The following PDGFD variants were observed in gnomAD, a reference collection of about 807,000 sequenced individuals.
PDGFD encodes platelet derived growth factor D, also known as platelet-derived growth factor D.
A neutral mutation model predicts 44.7 loss-of-function variants in PDGFD; 30 were observed. That is an observed-to-expected ratio of 0.67 (90% CI 0.50 to 0.91). The LOEUF is 0.91. PDGFD is among the 40% of genes least tolerant of loss of function. PDGFD has a pLI of 0.00. For synonymous variants in PDGFD, 173 were observed against 168.4 expected (o/e 1.03, Z -0.21); for missense variants, 445 against 457.8 (o/e 0.97, Z 0.25).
At chr11:103,929,294 A>C (rs1386597531) in intron 5 of PDGFD, among the ~76,000 whole-genome samples, 2 of 152,138 alleles carry the variant, frequency 1.3e-5, no homozygotes, top group South Asian at 4.1e-4. Context: ...CCATTAGTTG[A>C]AGGAAGAAGA....
chr11:104,000,168 T>C lies in PDGFD; in HGVS notation c.212A>G (p.Asn71Ser). 6.2e-7 allele frequency: 1 copy of C among 1,614,078 alleles called. No homozygotes were observed. The highest frequency in any genetic ancestry group is 8.5e-7 in the Non-Finnish European group (1 of 1,179,976). Reference sequence around the variant, plus strand: ...CAGGAGCAGGTTCCTGGGGTAGCTGTTCGGGAATCTAGGACTCTGCACGTA... The same window carrying C: ...CAGGAGCAGGTTCCTGGGGTAGCTGCTCGGGAATCTAGGACTCTGCACGTA... ...NGYVQSPRFP[N>S]SYPRNLLLTW... The change falls in exon 2 of 7, where the codon AAC becomes AGC. Residue 71 changes from asparagine to serine, a missense_variant. Coordinates refer to ENST00000393158, the MANE Select transcript of PDGFD (RefSeq NM_025208.5).
chr11:104,144,758 T>C (rs932253886), intron 1 of PDGFD, among the ~76,000 whole-genome samples: 1 of 152,192 alleles, frequency 6.6e-6, no homozygotes, highest in Non-Finnish European at 1.5e-5. Context: ...ATTTAAATCC[T>C]GACCCTGCCA....
intron 1 of PDGFD, among the ~76,000 whole-genome samples, chr11:104,072,484 CTG>C (rs1230939327): frequency 6.6e-6 from 1 of 151,648 alleles, no homozygotes; most frequent in African/African-American, 2.4e-5. Flanking sequence ...ATCATTGCTT[CTG>C]TAAGGTTTTT....
At chr11:104,161,951 G>GAGAC (rs57922713) in intron 1 of PDGFD, among the ~76,000 whole-genome samples, 2 of 54,166 alleles carry the variant, frequency 3.7e-5, no homozygotes, top group African/African-American at 1.5e-4. Context: ...ATCAAAGAGA[G>GAGAC]TGTGTGTGTG....
chr11:104,009,831 GC>G (rs1160350018), intron 1 of PDGFD, among the ~76,000 whole-genome samples: 2 of 152,232 alleles, frequency 1.3e-5, no homozygotes, highest in Admixed American at 1.3e-4. Context: ...CAGCACGGAA[GC>G]TTTTTCAGCT....
At chr11:104,108,504 C>T (rs930395504) in intron 1 of PDGFD, among the ~76,000 whole-genome samples, 2 of 152,100 alleles carry the variant, frequency 1.3e-5, no homozygotes, top group Non-Finnish European at 1.5e-5. Context: ...CAATGAGATA[C>T]CATCTCACGC....
chr11:104,110,387 T>C (rs907019022), intron 1 of PDGFD, among the ~76,000 whole-genome samples: 1 of 134,290 alleles, frequency 7.4e-6, no homozygotes, highest in Non-Finnish European at 1.6e-5. Flanking sequence ...TTCGAAAGAC[T>C]GTGAGTAGTA....
intron 1 of PDGFD, among the ~76,000 whole-genome samples, chr11:104,072,126 G>A (rs1410274148): frequency 1.3e-5 from 2 of 151,716 alleles, no homozygotes; most frequent in Admixed American, 1.3e-4. Flanking sequence ...CATTAACTAT[G>A]TTTAGTATTA....
At chr11:104,062,339 C>T (rs1229603651) in intron 1 of PDGFD, among the ~76,000 whole-genome samples, 1 of 152,216 alleles carries the variant, frequency 6.6e-6, no homozygotes, top group Non-Finnish European at 1.5e-5. Context: ...GCAAATTCCT[C>T]CATCTGTTCT....
chr11:103,968,099 T>C (rs1859048449), intron 3 of PDGFD, among the ~76,000 whole-genome samples: 1 of 152,162 alleles, frequency 6.6e-6, no homozygotes, highest in Non-Finnish European at 1.5e-5. Context: ...GATGACTCCC[T>C]CCTTAATGCC....
chr11:103,940,902 C>T (rs1351394427), intron 5 of PDGFD, among the ~76,000 whole-genome samples: 2 of 152,128 alleles, frequency 1.3e-5, no homozygotes, highest in Non-Finnish European at 2.9e-5. Flanking sequence ...AATGCTCTTG[C>T]AAGGTTATTT....
intron 1 of PDGFD, among the ~76,000 whole-genome samples, chr11:104,103,221 T>C (rs57949538): frequency 0.011 from 1,745 of 152,180 alleles, 29 homozygotes; most frequent in African/African-American, 0.04. Context: ...AATGAATTAA[T>C]ACGTGAAGTA....
Position 104,033,985 on chromosome 11 carries a change from T to C in PDGFD, c.125-33730A>G, listed in dbSNP as rs1860173167. Among the ~76,000 whole-genome samples, 4 of 152,216 alleles carry C rather than the reference T, an allele frequency of 2.6e-5. No homozygotes were observed. In the South Asian group the frequency reaches 8.3e-4, roughly 31 times the overall value. On this transcript the variant is annotated intron_variant, in intron 1 of 6. Coordinates refer to ENST00000393158, the MANE Select transcript of PDGFD (RefSeq NM_025208.5). ...TCTTAAAATTAAAAAATAATCCTTA[T>C]ATGATGAAACACTGTCTTTCCAGTT...
chr11:104,006,249 G>C lies in PDGFD; in HGVS notation c.125-5994C>G, dbSNP rs190486305. Among the ~76,000 whole-genome samples the C allele has an allele frequency of 1.5e-3, 227 of 152,298 alleles. 3 individuals are homozygous for C. Among genetic ancestry groups the C allele is most frequent in the East Asian group, 5.2e-3 (27 of 5,184 alleles). On this transcript the variant is annotated intron_variant, in intron 1 of 6. Transcript: ENST00000393158. ...CAGACCTACAGAAGCAGAAATGCTG[G>C]GCACGGAACCAAGCACTATACATAT...
At chr11:104,130,072 A>G (rs779804006) in intron 1 of PDGFD, among the ~76,000 whole-genome samples, 2 of 151,842 alleles carry the variant, frequency 1.3e-5, no homozygotes, top group Non-Finnish European at 2.9e-5. Context: ...AAGGGGGTTG[A>G]CAGAGCATGA....
chr11:104,148,203 A>C (rs907709853), intron 1 of PDGFD, among the ~76,000 whole-genome samples: 11 of 152,200 alleles, frequency 7.2e-5, no homozygotes, highest in Admixed American at 6.6e-4. Flanking sequence ...TAAAATATAA[A>C]ACACATAAAA....
chr11:103,925,073 T>C (rs2134309102), intron 6 of PDGFD, among the ~76,000 whole-genome samples: 1 of 152,232 alleles, frequency 6.6e-6, no homozygotes, highest in Middle Eastern at 3.4e-3. Flanking sequence ...TCTGTTCCTG[T>C]GTTAGTTTGC....
intron 1 of PDGFD, among the ~76,000 whole-genome samples, chr11:104,052,011 C>T (rs1591140042): frequency 1.3e-5 from 2 of 152,292 alleles, no homozygotes; most frequent in African/African-American, 2.4e-5. Context: ...TATGCAATTG[C>T]TCCACATTCC....
intron 3 of PDGFD, among the ~76,000 whole-genome samples, chr11:103,957,457 C>T (rs978713590): frequency 1.3e-5 from 2 of 152,168 alleles, no homozygotes; most frequent in African/African-American, 4.8e-5. Context: ...CGCTACCTGA[C>T]TTCAAACTAT....
Sources: gnomAD v4.1 joint callset for allele counts (sites outside exome capture counted in the v4.1 genomes callset) on GRCh38, gnomAD v4.1.1 for gene constraint, MANE v1.5 for transcripts, NCBI Gene and HGNC (gene_info 2026-07-23, HGNC 2026-07-21) for gene names.